The following ACCSL variants were observed in gnomAD, a reference collection of about 807,000 sequenced individuals.
ACCSL encodes 1-aminocyclopropane-1-carboxylate synthase homolog (inactive) like.
Under a neutral mutation model 61.7 loss-of-function variants are expected in ACCSL, and 55 were observed. The ratio of observed to expected loss-of-function variants is 0.89; its 90% CI spans 0.72 to 1.12. The LOEUF (loss-of-function observed/expected upper bound fraction) is 1.12, where lower values mean the gene tolerates loss of function less well. Among genes scored for constraint, ACCSL ranks in the 50% most tolerant of loss-of-function variants. ACCSL has a pLI of 0.00. For missense variants in ACCSL, 632 were observed against 698.0 expected (o/e 0.91, Z 1.07); for synonymous variants, 258 against 264.3 (o/e 0.98, Z 0.23).
the ACCSL span, among the ~76,000 whole-genome samples, chr11:43,982,663 C>T: frequency 6.6e-6 from 1 of 152,150 alleles, no homozygotes; most frequent in Non-Finnish European, 1.5e-5. Context: ...GGACCTGGCT[C>T]ACAGGAGCTG....
the ACCSL span, among the ~76,000 whole-genome samples, chr11:44,025,429 CA>C: frequency 4.6e-5 from 7 of 152,000 alleles, no homozygotes; most frequent in African/African-American, 1.7e-4. Context: ...GTATACTATA[CA>C]AAAACTTTAT....
At chr11:43,983,288 G>C in the ACCSL span, among the ~76,000 whole-genome samples, 1 of 152,230 alleles carries the variant, frequency 6.6e-6, no homozygotes, top group Non-Finnish European at 1.5e-5. Context: ...GAATTAATTA[G>C]AGAAAACAGG....
At chr11:44,008,693 A>G in the ACCSL span, among the ~76,000 whole-genome samples, 1 of 152,206 alleles carries the variant, frequency 6.6e-6, no homozygotes, top group African/African-American at 2.4e-5. Context: ...CAGCGATGAT[A>G]ACACCTGTCT....
chr11:43,974,691 A>G, the ACCSL span, among the ~76,000 whole-genome samples: 1 of 152,194 alleles, frequency 6.6e-6, no homozygotes, highest in Non-Finnish European at 1.5e-5. Flanking sequence ...ATGTGTTACC[A>G]GTAGAATACA....
the ACCSL span, among the ~76,000 whole-genome samples, chr11:44,000,437 T>TA: frequency 2.4e-4 from 28 of 116,758 alleles, no homozygotes; most frequent in South Asian, 7.6e-4. Context: ...TGTCTCTATT[T>TA]TAAAAAAAAA....
the ACCSL span, among the ~76,000 whole-genome samples, chr11:43,968,729 G>A: frequency 2.6e-5 from 4 of 152,154 alleles, no homozygotes; most frequent in Non-Finnish European, 2.9e-5. Context: ...AGATTTCTTC[G>A]TAGATTTTTG....
the ACCSL span, among the ~76,000 whole-genome samples, chr11:43,951,856 C>G: frequency 6.6e-6 from 1 of 152,118 alleles, no homozygotes; most frequent in African/African-American, 2.4e-5. Flanking sequence ...CAAACATTAG[C>G]CAGGCATGTT....
At chr11:44,030,196 C>T in the ACCSL span, among the ~76,000 whole-genome samples, 1 of 150,208 alleles carries the variant, frequency 6.7e-6, no homozygotes, top group Admixed American at 6.7e-5. Flanking sequence ...TTTCTCTCTC[C>T]CCAGTAAATC....
chr11:43,960,390 T>TTTCG, the ACCSL span, among the ~76,000 whole-genome samples: 1 of 152,156 alleles, frequency 6.6e-6, no homozygotes, highest in Non-Finnish European at 1.5e-5. Context: ...TTACTGCCTT[T>TTTCG]TTCGTTTGTT....
At chr11:44,021,292 A>T in the ACCSL span, among the ~76,000 whole-genome samples, 83,039 of 151,910 alleles carry the variant, frequency 0.55, 23,002 homozygotes, top group Admixed American at 0.6. Context: ...TTATGTTTTG[A>T]TTTTTTATTT....
chr11:44,009,720 G>A, the ACCSL span, among the ~76,000 whole-genome samples: 9 of 151,934 alleles, frequency 5.9e-5, no homozygotes, highest in East Asian at 3.9e-4. Flanking sequence ...AGCCGTGATC[G>A]CACCACTGCA....
At chr11:44,040,257 T>C in the ACCSL span, among the ~76,000 whole-genome samples, 1 of 152,212 alleles carries the variant, frequency 6.6e-6, no homozygotes, top group African/African-American at 2.4e-5. Flanking sequence ...TTGTAAGTAT[T>C]AGAATCACCT....
chr11:43,978,521 A>ACAGG, the ACCSL span, among the ~76,000 whole-genome samples: 3 of 152,220 alleles, frequency 2.0e-5, no homozygotes, highest in Non-Finnish European at 4.4e-5. Context: ...CTGGCAAGGT[A>ACAGG]CAGGCATCAA....
chr11:43,933,654 C>T, the ACCSL span, among the ~76,000 whole-genome samples: 1 of 152,202 alleles, frequency 6.6e-6, no homozygotes, highest in Non-Finnish European at 1.5e-5. Context: ...GAGCCACAGA[C>T]CCTGGGTGGG....
intron 5 of ACCSL, among the ~76,000 whole-genome samples, chr11:44,051,985 A>T (rs146997348): frequency 6.6e-6 from 1 of 152,206 alleles, no homozygotes; most frequent in African/African-American, 2.4e-5. Flanking sequence ...TACTATGTTC[A>T]TGGCTGGGCT....
chr11:43,944,837 G>C, the ACCSL span: 1 of 152,350 alleles, frequency 6.6e-6, no homozygotes, highest in Non-Finnish European at 1.5e-5. Flanking sequence ...CCCACACTGG[G>C]GCCCTCTCCC....
At chr11:44,047,234 C>T (rs919369191), upstream of ACCSL, among the ~76,000 whole-genome samples, 4 of 151,972 alleles carry the variant, frequency 2.6e-5, no homozygotes, top group Non-Finnish European at 1.5e-5. Flanking sequence ...GTGATGGAAG[C>T]CTAAGGCAGC....
the ACCSL span, chr11:43,943,288 G>T: frequency 6.8e-7 from 1 of 1,472,860 alleles, no homozygotes; most frequent in South Asian, 1.3e-5. The surrounding 1 kb of genome is among the most constrained non-coding windows in gnomAD (Gnocchi z 4.8). Context: ...CGCCGCCCGC[G>T]GGGGGGACGC....
At chr11:44,037,871 G>C in the ACCSL span, among the ~76,000 whole-genome samples, 69,498 of 149,162 alleles carry the variant, frequency 0.47, 17,025 homozygotes, top group Admixed American at 0.57. Flanking sequence ...ATCCATCCAT[G>C]CATCCATCCA....
Sources: gnomAD v4.1 joint callset for allele counts (sites outside exome capture counted in the v4.1 genomes callset) on GRCh38, gnomAD v4.1.1 for gene constraint, Gnocchi (gnomAD v3.1) non-coding constraint, MANE v1.5 for transcripts, NCBI Gene and HGNC (gene_info 2026-07-23, HGNC 2026-07-21) for gene names.